NAF1: variants seen among roughly 807,000 people sequenced by gnomAD.
The protein encoded by NAF1 is nuclear assembly factor 1 ribonucleoprotein.
Under a neutral mutation model 40.6 loss-of-function variants are expected in NAF1, and 11 were observed. The ratio of observed to expected loss-of-function variants is 0.27; its 90% CI spans 0.17 to 0.45. The LOEUF (loss-of-function observed/expected upper bound fraction) is 0.45. Among genes scored for constraint, NAF1 ranks in the 20% least tolerant of loss-of-function variants. The pLI is 1.00. For synonymous variants in NAF1, 260 were observed against 228.5 expected (o/e 1.14, Z -1.24); for missense variants, 607 against 611.1 (o/e 0.99, Z 0.07).
chr4:163,121,366 T>TA lies in NAF1; in HGVS notation c.115-11077dup, dbSNP rs903301329. ...TTGGACTGGGTTACAAAATGAGAAGTAAAAAAAAACTTTTGAAATACTGGC... is the reference window on the plus strand; with the variant it reads ...TTGGACTGGGTTACAAAATGAGAAGTAAAAAAAAAACTTTTGAAATACTGGC... On this transcript the variant is annotated intron_variant, in intron 2 of 2. Coordinates refer to the NAF1 transcript ENST00000509434. Among the ~76,000 whole-genome samples, 9 of 151,376 alleles carry TA rather than the reference T, an allele frequency of 5.9e-5. No homozygotes were observed. In the South Asian group the frequency reaches 6.3e-4, roughly 11 times the overall value.
chr4:163,152,648 A>C (rs1354556940), intron 2 of NAF1, among the ~76,000 whole-genome samples: 6 of 152,230 alleles, frequency 3.9e-5, no homozygotes, highest in Non-Finnish European at 5.9e-5. Context: ...TTCCAATACC[A>C]GTTCAGTGAT....
In NAF1 at chr4:163,133,174, T is replaced by G. The variant is rs745594968; in HGVS notation, c.1013A>C (p.Lys338Thr). 2 of 1,613,694 alleles carry G rather than the reference T, an allele frequency of 1.2e-6. No homozygotes were observed. Among genetic ancestry groups the G allele is most frequent in the Middle Eastern group, 1.7e-4 (1 of 6,054 alleles). ...KSQIQGRKKL[K>T]SEFNEPGEDF... ...CTCACCAGGCTCATTAAATTCAGAT[T>G]TGAGTTTTTTCCGGCCTTGAATCTG... is the stretch of plus-strand genomic sequence containing the variant. The change falls in exon 7 of 8, where the codon AAA (lysine) becomes ACA (threonine). Residue 338 changes from lysine (K) to threonine (T), a missense_variant. Coordinates refer to ENST00000274054, the MANE Select transcript of NAF1 (RefSeq NM_138386.3).
At position 163,166,793 on chromosome 4, in the gene NAF1, C is replaced by T; in HGVS notation, c.-66G>A. 1.9e-6 allele frequency: 3 copies of T among 1,579,856 alleles called. No individual in the cohort carries two copies. The highest frequency in any genetic ancestry group is 1.9e-5 in the Admixed American group (1 of 53,418). On this transcript the variant is annotated 5_prime_UTR_variant, in exon 1 of 8. Coordinates refer to ENST00000274054, the MANE Select transcript of NAF1 (RefSeq NM_138386.3). ...CCCTGGACAAGCTCACGGCTCTCTC[C>T]AGAAATAGAAAAACAACTTAGGCAA...
At chr4:163,109,758 C>T (rs897553058), downstream of NAF1, among the ~76,000 whole-genome samples, 11 of 152,134 alleles carry the variant, frequency 7.2e-5, no homozygotes, top group African/African-American at 2.7e-4. Flanking sequence ...ACATTTTGCA[C>T]AGAAAGGTGT....
intron 2 of NAF1, among the ~76,000 whole-genome samples, chr4:163,160,782 A>G (rs1473331750): frequency 6.6e-6 from 1 of 152,204 alleles, no homozygotes; most frequent in Non-Finnish European, 1.5e-5. Flanking sequence ...TGTTTGGCAC[A>G]CTTTAATTTG....
At chr4:163,108,072 A>G (rs1382660), downstream of NAF1, among the ~76,000 whole-genome samples, 1 of 151,802 alleles carries the variant, frequency 6.6e-6, no homozygotes, top group South Asian at 2.1e-4. Flanking sequence ...AATTAAGAAA[A>G]TTTTTTTTTC....
intron 1 of NAF1, 95 bp downstream of exon 1, chr4:163,166,268 C>A: frequency 6.9e-7 from 1 of 1,445,692 alleles, no homozygotes; most frequent in Non-Finnish European, 9.2e-7. Context: ...CCCTCCAGGG[C>A]CCACACAAGC....
chr4:163,110,451 A>T (rs1394935558), intron 2 of NAF1, among the ~76,000 whole-genome samples: 1 of 152,164 alleles, frequency 6.6e-6, no homozygotes, highest in Non-Finnish European at 1.5e-5. Context: ...ATAGGTATGT[A>T]AGTATAGGAA....
At chr4:163,158,485 C>T (rs1579186011) in intron 2 of NAF1, among the ~76,000 whole-genome samples, 1 of 152,114 alleles carries the variant, frequency 6.6e-6, no homozygotes, top group Non-Finnish European at 1.5e-5. Flanking sequence ...AAGCATTAGT[C>T]CCCTCATTAA....
intron 2 of NAF1, among the ~76,000 whole-genome samples, chr4:163,116,844 T>C (rs1400603978): frequency 6.6e-6 from 1 of 152,132 alleles, no homozygotes; most frequent in Non-Finnish European, 1.5e-5. Flanking sequence ...ACCTAGCCAT[T>C]CAAACCATCA....
rs1446839417 is a variant in NAF1, at chr4:163,148,250, G to A, written c.634+91C>T. 6 of 719,588 alleles carry A rather than the reference G, an allele frequency of 8.3e-6. No homozygotes were observed. In the East Asian group the frequency reaches 1.4e-4, roughly 17 times the overall value. 44.6% of individuals were successfully genotyped at this position (719,588 alleles called of 1,614,324 possible). A position where few individuals can be genotyped will look rare whatever the true frequency, so the allele number is the denominator to read the frequency against. ...ATAAAATAAAGTGTTAATTACGTAT[G>A]TCAAAGAAAATTTACTAGTCATAAA... On this transcript the variant is annotated intron_variant, in intron 3 of 7. Coordinates refer to ENST00000274054, the MANE Select transcript of NAF1 (RefSeq NM_138386.3).
chr4:163,128,634 G>A, downstream of NAF1: 1 of 754,018 alleles, frequency 1.3e-6, no homozygotes, highest in Non-Finnish European at 1.7e-6. Flanking sequence ...AGTTTAACTG[G>A]GTGGGGTTGG....
At chr4:163,147,242 C>T (rs1428106030) in intron 3 of NAF1, among the ~76,000 whole-genome samples, 1 of 152,058 alleles carries the variant, frequency 6.6e-6, no homozygotes, top group Non-Finnish European at 1.5e-5. Flanking sequence ...AATATAGACA[C>T]TGTTAGAAAA....
downstream of NAF1, among the ~76,000 whole-genome samples, chr4:163,109,162 T>C (rs1455314532): frequency 5.7e-4 from 10 of 17,572 alleles, no homozygotes; most frequent in Admixed American, 4.1e-3. Flanking sequence ...TTTTCACCCT[T>C]TTTTTTTTTT....
downstream of NAF1, among the ~76,000 whole-genome samples, chr4:163,123,363 C>G (rs1265953743): frequency 6.6e-6 from 1 of 152,186 alleles, no homozygotes; most frequent in Non-Finnish European, 1.5e-5. Flanking sequence ...GGACAAAGGT[C>G]CAAACTGTAG....
At chr4:163,139,904 T>A (rs1374116970) in intron 5 of NAF1, among the ~76,000 whole-genome samples, 1 of 151,816 alleles carries the variant, frequency 6.6e-6, no homozygotes. Flanking sequence ...TAAGAAATGA[T>A]AATAATATTA....
chr4:163,158,367 A>G (rs1386517444), intron 2 of NAF1: 1 of 152,034 alleles, frequency 6.6e-6, no homozygotes, highest in Non-Finnish European at 1.5e-5. Flanking sequence ...TTAGGTCTGT[A>G]CACTTTGTGT....
At chr4:163,144,067 C>T (rs1055897099) in intron 4 of NAF1, 1 of 943,848 alleles carries the variant, frequency 1.1e-6, no homozygotes, top group African/African-American at 1.8e-5. Flanking sequence ...TCCTACCAAA[C>T]AAGACAGTAA....
At chr4:163,125,145 GCCTT>G (rs1219656443), downstream of NAF1, among the ~76,000 whole-genome samples, 2 of 152,014 alleles carry the variant, frequency 1.3e-5, no homozygotes, top group African/African-American at 4.8e-5. Context: ...CTCTCCTCAG[GCCTT>G]CCTATTTCGT....
Sources: allele counts gnomAD v4.1 joint callset (sites outside exome capture counted in the v4.1 genomes callset), GRCh38; gene constraint gnomAD v4.1.1; transcripts MANE v1.5; gene names NCBI Gene and HGNC (gene_info 2026-07-23, HGNC 2026-07-21).